Variants in FBXW11 observed in about 807,000 individuals in gnomAD.
FBXW11 encodes F-box and WD repeat domain containing 11.
In FBXW11, 19 loss-of-function variants were observed where a neutral mutation model predicts 77.6. That is an observed-to-expected ratio of 0.24 (90% CI 0.17 to 0.36). FBXW11 has a LOEUF of 0.36. FBXW11 is among the 10% of genes least tolerant of loss of function. The pLI is 1.00. For missense variants in FBXW11, 334 were observed against 704.2 expected, an observed-to-expected ratio of 0.47 and a Z score of 5.95; for synonymous variants, 235 against 249.4, an observed-to-expected ratio of 0.94 and a Z score of 0.54.
chr5:171,928,429 G>A (rs1009279145), intron 2 of FBXW11, among the ~76,000 whole-genome samples: 1 of 152,168 alleles, frequency 6.6e-6, no homozygotes, highest in Non-Finnish European at 1.5e-5. Context: ...AAGGGACTCA[G>A]AACAGACAAC....
intron 1 of FBXW11, among the ~76,000 whole-genome samples, chr5:171,971,525 T>C (rs1025965835): frequency 2.0e-5 from 3 of 152,194 alleles, no homozygotes; most frequent in Non-Finnish European, 4.4e-5. Flanking sequence ...CTTCCTACAC[T>C]GTATATGTCA....
At chr5:171,942,701 C>CT (rs1324034453) in intron 2 of FBXW11, among the ~76,000 whole-genome samples, 4 of 152,116 alleles carry the variant, frequency 2.6e-5, no homozygotes, top group East Asian at 3.9e-4. Context: ...GCTCAGAAGG[C>CT]TGAGGTAGGA....
intron 2 of FBXW11, among the ~76,000 whole-genome samples, chr5:171,952,445 A>AT (rs1206783053): frequency 5.2e-4 from 5 of 9,586 alleles, no homozygotes; most frequent in African/African-American, 1.1e-3. Context: ...ATATATATAT[A>AT]TATTTTTTTT....
At chr5:171,939,220 G>C (rs1762622761) in intron 2 of FBXW11, among the ~76,000 whole-genome samples, 1 of 152,134 alleles carries the variant, frequency 6.6e-6, no homozygotes, top group Non-Finnish European at 1.5e-5. Flanking sequence ...ATGGGTGACA[G>C]CAAGACTCTG....
At position 171,868,490 on chromosome 5, in the gene FBXW11, G is replaced by C. The variant is rs1268940825; in HGVS notation, c.*25+120C>G. The C allele has an allele frequency of 4.0e-6, 3 of 744,016 alleles. No individual in the cohort carries two copies. The East Asian group carries it at 7.9e-5, about 20-fold the overall frequency. 46.1% of individuals were successfully genotyped at this position (744,016 alleles called of 1,614,324 possible). A position where few individuals can be genotyped will look rare whatever the true frequency, so the allele number is the denominator to read the frequency against. ...AGCCTTACACTTGAACTCTGCAAAA[G>C]TTGACACGTCTAAGAGAGACCTTGG... On this transcript the variant is annotated intron_variant, in intron 13 of 13. Transcript: ENST00000517395.
chr5:171,877,958 G>T, intron 8 of FBXW11, 53 bp downstream of exon 8: 2 of 1,339,334 alleles, frequency 1.5e-6, no homozygotes, highest in South Asian at 1.2e-5. Context: ...GTCAATCTCA[G>T]ACTTTCTCAG....
intron 2 of FBXW11, among the ~76,000 whole-genome samples, chr5:171,917,903 TA>T (rs1440972653): frequency 6.6e-6 from 1 of 152,130 alleles, no homozygotes; most frequent in African/African-American, 2.4e-5. Flanking sequence ...ACTATTATTT[TA>T]AAATTAGGTT....
In FBXW11 at chr5:171,917,909, T is replaced by C. The variant is rs530509881; in HGVS notation, c.148-3504A>G. 6.6e-4 allele frequency among the ~76,000 whole-genome samples: 101 copies of C among 152,082 alleles called. 1 individual carries two copies. The highest frequency in any genetic ancestry group is 1.4e-3 in the Non-Finnish European group (94 of 68,024). ...CTATAATATACTATTATTTTAAAAT[T>C]AGGTTAAATTCATTTAATCCAACTT... On this transcript the variant is annotated intron_variant, in intron 2 of 13. Transcript: ENST00000517395.
chr5:171,943,923 A>G (rs1388494147), intron 2 of FBXW11, among the ~76,000 whole-genome samples: 1 of 152,254 alleles, frequency 6.6e-6, no homozygotes, highest in Non-Finnish European at 1.5e-5. Context: ...TAGTGAAGGC[A>G]TAATGAGACG....
chr5:171,989,168 C>T (rs995376723), intron 1 of FBXW11, among the ~76,000 whole-genome samples: 5 of 152,164 alleles, frequency 3.3e-5, no homozygotes, highest in Non-Finnish European at 7.3e-5. Context: ...CAGAGTGAGA[C>T]TCTGTTTAAA....
At chr5:171,956,122 A>G (rs1297105352) in intron 2 of FBXW11, among the ~76,000 whole-genome samples, 1 of 152,210 alleles carries the variant, frequency 6.6e-6, no homozygotes, top group Non-Finnish European at 1.5e-5. Context: ...CAGCCCACTA[A>G]AAAGCAACTG....
rs1581253362 is a variant in FBXW11 at position 171,957,779 on chromosome 5, T to C, written c.46-81A>G. The C allele has an allele frequency of 3.3e-6, 4 of 1,202,628 alleles. No homozygotes were observed. The East Asian group carries it at 7.0e-5, about 21-fold the overall frequency. 74.5% of individuals were successfully genotyped at this position (1,202,628 alleles called of 1,614,324 possible). The stretch of plus-strand genomic sequence containing the variant: ...CACTCCTTCACACAGGCAACTTGAA[T>C]GTTAGTTGGGGCAGGGGGTGCACCC... On this transcript the variant is annotated intron_variant, in intron 1 of 13. Transcript: ENST00000517395.
intron 1 of FBXW11, among the ~76,000 whole-genome samples, chr5:171,996,344 C>T (rs1024463714): frequency 3.3e-5 from 5 of 152,158 alleles, no homozygotes; most frequent in Non-Finnish European, 7.4e-5. Context: ...TCCTATTAGA[C>T]TATGAATAAA....
At chr5:171,981,912 A>G (rs1765168929) in intron 1 of FBXW11, among the ~76,000 whole-genome samples, 2 of 152,218 alleles carry the variant, frequency 1.3e-5, no homozygotes, top group South Asian at 4.1e-4. Flanking sequence ...CAAACATAAT[A>G]GAGTGCATAC....
chr5:171,947,473 C>G lies in FBXW11; in HGVS notation c.147+10124G>C, dbSNP rs370844041. ...CAGGATTTTGCAAGGCCAAAGCGGGCAGACCACTTGAGCTCAGGAGTTCAA... is the reference window on the plus strand; with the variant it reads ...CAGGATTTTGCAAGGCCAAAGCGGGGAGACCACTTGAGCTCAGGAGTTCAA... On this transcript the variant is annotated intron_variant, in intron 2 of 13. Coordinates refer to ENST00000517395, the MANE Select transcript of FBXW11 (RefSeq NM_001378974.1). Among the ~76,000 whole-genome samples, 31 of 151,708 alleles carry G rather than the reference C, an allele frequency of 2.0e-4. No homozygotes were observed. In the South Asian group the frequency reaches 6.2e-3, roughly 30 times the overall value.
At chr5:171,995,476 A>G (rs1394510855) in intron 1 of FBXW11, among the ~76,000 whole-genome samples, 5 of 152,166 alleles carry the variant, frequency 3.3e-5, no homozygotes, top group Admixed American at 1.3e-4. Context: ...TAAATGGGCC[A>G]GGCGTGATGG....
chr5:171,934,537 T>G (rs1762371638), intron 2 of FBXW11, among the ~76,000 whole-genome samples: 1 of 151,652 alleles, frequency 6.6e-6, no homozygotes, highest in Non-Finnish European at 1.5e-5. Context: ...ATTAGCCAGG[T>G]GTGGTGGTGC....
At chr5:171,892,411 T>TA (rs1759415214) in intron 6 of FBXW11, among the ~76,000 whole-genome samples, 1 of 152,216 alleles carries the variant, frequency 6.6e-6, no homozygotes, top group Non-Finnish European at 1.5e-5. Context: ...ACAAAATCAG[T>TA]AATCGGACTA....
intron 12 of FBXW11, 125 bp from the exon 13 acceptor site, chr5:171,868,921 G>T: frequency 1.3e-6 from 1 of 775,116 alleles, no homozygotes; most frequent in Non-Finnish European, 2.0e-6. Context: ...ACTGTACAGA[G>T]CTCACTGAAC....
Sources: allele counts gnomAD v4.1 joint callset (sites outside exome capture counted in the v4.1 genomes callset), GRCh38; gene constraint gnomAD v4.1.1; transcripts MANE v1.5; gene names NCBI Gene and HGNC (gene_info 2026-07-23, HGNC 2026-07-21).